The following THAP5 variants were observed in gnomAD, a reference collection of about 807,000 sequenced individuals.
THAP5 encodes THAP domain-containing protein 5.
In THAP5, 26 loss-of-function variants were observed where a neutral mutation model predicts 34.0. The observed-to-expected ratio is 0.77, with a 90% CI of 0.56 to 1.06. THAP5 has a LOEUF of 1.06. Among genes scored for constraint, THAP5 ranks in the 50% least tolerant of loss-of-function variants. The pLI is 0.00. For synonymous variants in THAP5, 125 were observed against 153.0 expected (o/e 0.82, Z 1.35); for missense variants, 394 against 452.8 (o/e 0.87, Z 1.18).
At chr7:108,544,485 C>T in the THAP5 span, among the ~76,000 whole-genome samples, 2 of 151,274 alleles carry the variant, frequency 1.3e-5, no homozygotes, top group South Asian at 4.2e-4. Context: ...GAGCCGAGAT[C>T]GCGCCACTGC....
At chr7:108,549,533 C>T in the THAP5 span, among the ~76,000 whole-genome samples, 3 of 152,096 alleles carry the variant, frequency 2.0e-5, no homozygotes, top group Non-Finnish European at 2.9e-5. Flanking sequence ...CTGACCCAAC[C>T]ACAAACATGA....
rs1482344542 is a variant in THAP5, at chr7:108,565,944, G to A, written c.159C>T (p.Tyr53=). The stretch of plus-strand genomic sequence containing the variant: ...TAAAATGGTCACTACATAGAAACTG[G>A]TATTTACTGGGAACCCATGAATCTC... ...MKRDSWVPSK[Y]QFLCSDHFTP... Residue 53 remains tyrosine, a synonymous_variant, in exon 2 of 3, where the codon TAC becomes TAT. Transcript: ENST00000415914. 6 of 1,550,704 alleles carry A rather than the reference G, an allele frequency of 3.9e-6. No individual in the cohort carries two copies. The highest frequency in any genetic ancestry group is 8.7e-7 in the Non-Finnish European group (1 of 1,146,770).
Position 108,564,616 on chromosome 7 carries a change from T to C in THAP5, c.763A>G (p.Ser255Gly), listed in dbSNP as rs750616129. 8 of 1,613,896 alleles carry C rather than the reference T, an allele frequency of 5.0e-6. No homozygotes were observed. Among genetic ancestry groups the C allele is most frequent in the South Asian group, 3.3e-5 (3 of 91,082 alleles). ...KSAQENPFLFSTINQTVEELN... is the reference protein window; with the variant it reads ...KSAQENPFLFGTINQTVEELN... ...TCTTCAACTGTTTGATTAATTGTGC[T>C]GAATAAGAATGGATTTTCCTGTGCT... The change falls in exon 3 of 3, where the codon AGC becomes GGC. Residue 255 changes from serine (S) to glycine (G), a missense_variant. By Grantham distance (56) the Ser-to-Gly change is moderately conservative (BLOSUM62 0). Transcript: ENST00000415914.
In THAP5 at chr7:108,565,829, C is replaced by A; in HGVS notation, c.273+1G>T. ...ATTACCCCTCTCCCATACTGCAATA[C>A]CTGATTGTCTTCAGGCAAAGAAAAT... On this transcript the variant is annotated splice_donor_variant, in intron 2 of 2. Coordinates refer to ENST00000415914, the MANE Select transcript of THAP5 (RefSeq NM_001130475.3). LOFTEE classifies it high-confidence loss of function. The A allele has an allele frequency of 6.5e-7, 1 of 1,541,416 alleles. No individual in the cohort carries two copies. Among genetic ancestry groups the A allele is most frequent in the Non-Finnish European group, 8.7e-7 (1 of 1,143,224 alleles).
chr7:108,568,418 T>C (rs943674733), intron 1 of THAP5: 2 of 154,262 alleles, frequency 1.3e-5, no homozygotes, highest in Non-Finnish European at 2.9e-5. Context: ...TTGGTCAGGC[T>C]GGTCTCAGAC....
chr7:108,559,179 G>C (rs1864409296), downstream of THAP5, among the ~76,000 whole-genome samples: 1 of 152,222 alleles, frequency 6.6e-6, no homozygotes, highest in Admixed American at 6.5e-5. Context: ...ACATGAGATT[G>C]AGTCAATATC....
Position 108,569,706 on chromosome 7 carries a change from T to A in THAP5, c.-137A>T. 3 of 1,172,988 alleles carry A rather than the reference T, an allele frequency of 2.6e-6. No individual in the cohort carries two copies. Among genetic ancestry groups the A allele is most frequent in the Non-Finnish European group, 3.6e-6 (3 of 835,252 alleles). The allele number at this position is 1,172,988 out of a possible 1,614,324, so 72.7% of individuals were successfully genotyped here. On this transcript the variant is annotated 5_prime_UTR_variant, in exon 1 of 3. Coordinates refer to ENST00000415914, the MANE Select transcript of THAP5 (RefSeq NM_001130475.3). ...ATTCTGCCGGGAAAGCCGCCTCGTC[T>A]GTCGACTCACTTCCGCCTCCTCCGG...
downstream of THAP5, among the ~76,000 whole-genome samples, chr7:108,553,803 C>A (rs902521387): frequency 4.6e-5 from 7 of 152,158 alleles, no homozygotes; most frequent in African/African-American, 1.4e-4. Flanking sequence ...TCTTCCTAGC[C>A]CTGCAGAATT....
chr7:108,564,109 C>T lies in THAP5; in HGVS notation c.*82G>A, dbSNP rs1203438140. ...GGTTCATTAAGATGAGAACTTTATA[C>T]AGGAAACAGTTCACTTTACATGTAG... On this transcript the variant is annotated 3_prime_UTR_variant, in exon 3 of 3. Coordinates refer to ENST00000415914, the MANE Select transcript of THAP5 (RefSeq NM_001130475.3). 4 of 1,143,576 alleles carry T rather than the reference C, an allele frequency of 3.5e-6. No homozygotes were observed. Among genetic ancestry groups the T allele is most frequent in the African/African-American group, 1.6e-5 (1 of 64,384 alleles). The allele number at this position is 1,143,576 out of a possible 1,614,324, so 70.8% of individuals were successfully genotyped here.
chr7:108,558,274 T>A (rs1864400235), downstream of THAP5, among the ~76,000 whole-genome samples: 1 of 151,374 alleles, frequency 6.6e-6, no homozygotes, highest in Non-Finnish European at 1.5e-5. Context: ...ATTTTCAACC[T>A]AGCAAATCTT....
At chr7:108,542,681 T>C in the THAP5 span, among the ~76,000 whole-genome samples, 10 of 152,230 alleles carry the variant, frequency 6.6e-5, no homozygotes, top group African/African-American at 2.2e-4. Flanking sequence ...CAGTCTGGTC[T>C]GTAACTCCTG....
At chr7:108,551,216 T>G (rs945554347), downstream of THAP5, among the ~76,000 whole-genome samples, 27 of 152,304 alleles carry the variant, frequency 1.8e-4, no homozygotes, top group African/African-American at 6.3e-4. Flanking sequence ...GGCCATGCTA[T>G]GGTCTGAATG....
At chr7:108,545,434 C>T in the THAP5 span, among the ~76,000 whole-genome samples, 6 of 152,188 alleles carry the variant, frequency 3.9e-5, no homozygotes, top group African/African-American at 1.4e-4. Context: ...AATTTGCTGT[C>T]AGTTCCATTG....
chr7:108,560,944 G>C (rs986860978), downstream of THAP5, among the ~76,000 whole-genome samples: 2 of 152,158 alleles, frequency 1.3e-5, no homozygotes, highest in Non-Finnish European at 2.9e-5. Context: ...ATGTTGCCCA[G>C]GCTGGTCTCA....
At chr7:108,542,692 A>G in the THAP5 span, among the ~76,000 whole-genome samples, 1 of 152,210 alleles carries the variant, frequency 6.6e-6, no homozygotes, top group African/African-American at 2.4e-5. Flanking sequence ...GTAACTCCTG[A>G]CCTCAAGTGA....
At chr7:108,556,429 G>C (rs556135937) in intron 1 of THAP5, among the ~76,000 whole-genome samples, 53 of 152,306 alleles carry the variant, frequency 3.5e-4, no homozygotes, top group Middle Eastern at 6.8e-3. Context: ...AAGCTACAGT[G>C]GGGGTACAGG....
At chr7:108,543,462 T>G in the THAP5 span, among the ~76,000 whole-genome samples, 2 of 152,166 alleles carry the variant, frequency 1.3e-5, no homozygotes, top group African/African-American at 4.8e-5. Context: ...CCTCTATCTC[T>G]TGATGGAGTA....
the THAP5 span, among the ~76,000 whole-genome samples, chr7:108,545,822 A>C: frequency 6.6e-6 from 1 of 152,194 alleles, no homozygotes; most frequent in East Asian, 1.9e-4. Flanking sequence ...GTGGGACCTC[A>C]AATAGAAAAT....
downstream of THAP5, among the ~76,000 whole-genome samples, chr7:108,558,377 G>GTGTGTGTGTGTGTATATATATATA (rs1401164750): frequency 3.2e-5 from 2 of 63,038 alleles, no homozygotes; most frequent in Non-Finnish European, 5.7e-5. Context: ...ATGTGTGTGT[G>GTGTGTGTGTGTGTATATATATATA]TATGTATATA....
Sources: gnomAD v4.1 joint callset for allele counts (sites outside exome capture counted in the v4.1 genomes callset) on GRCh38, gnomAD v4.1.1 for gene constraint, MANE v1.5 for transcripts, NCBI Gene and HGNC (gene_info 2026-07-23, HGNC 2026-07-21) for gene names.